Variants in SLC6A19 observed in about 807,000 individuals in gnomAD.
SLC6A19 encodes the protein sodium-dependent neutral amino acid transporter B(0)AT1.
Under a neutral mutation model 68.3 loss-of-function variants are expected in SLC6A19, and 67 were observed. The observed-to-expected ratio is 0.98, with a 90% CI of 0.81 to 1.20. The LOEUF (loss-of-function observed/expected upper bound fraction) is 1.20. Among genes scored for constraint, SLC6A19 ranks in the 50% most tolerant of loss-of-function variants. The probability of loss-of-function intolerance (pLI) is 0.00; values close to 1 mark genes in which losing one functional copy is unlikely to be tolerated. For missense variants in SLC6A19, 813 were observed against 851.6 expected, an observed-to-expected ratio of 0.95 and a Z score of 0.56; for synonymous variants, 392 against 374.9, an observed-to-expected ratio of 1.05 and a Z score of -0.53.
At position 1,219,990 on chromosome 5, in the gene SLC6A19, G is replaced by T. The variant is rs575577057; in HGVS notation, c.1538+326G>T. Among the ~76,000 whole-genome samples, 6 of 152,304 alleles carry T rather than the reference G, an allele frequency of 3.9e-5. No homozygotes were observed. In the South Asian group the frequency reaches 1.2e-3, roughly 32 times the overall value. On this transcript the variant is annotated intron_variant, in intron 10 of 11. Coordinates refer to ENST00000304460, the MANE Select transcript of SLC6A19 (RefSeq NM_001003841.3). ...CCGGGGATGCTCCTTGTGTGTGTGT[G>T]TGTGCAGGGGGGTGGGGAGTGCCTT...
rs747911904 is a variant in SLC6A19, at chr5:1,221,938, G to T, written c.*34G>T. The T allele has an allele frequency of 6.2e-7, 1 of 1,607,364 alleles. No individual in the cohort carries two copies. The highest frequency in any genetic ancestry group is 1.1e-5 in the South Asian group (1 of 90,606). ...ATCCCACGGCGTGCCATACACTGGT[G>T]TCAGGGAAGGAGGAACCAGCAAGAC... On this transcript the variant is annotated 3_prime_UTR_variant, in exon 12 of 12. Transcript: ENST00000304460.
rs1561170465 is a variant in SLC6A19 at position 1,221,853 on chromosome 5, G to C, written c.1854G>C (p.Gly618=). 4 of 1,614,192 alleles carry C rather than the reference G, an allele frequency of 2.5e-6. No individual in the cohort carries two copies. Among genetic ancestry groups the C allele is most frequent in the Admixed American group, 1.7e-5 (1 of 60,030 alleles). The change falls in exon 12 of 12, where the codon GGG becomes GGC. Residue 618 remains glycine, a synonymous_variant. Coordinates refer to ENST00000304460, the MANE Select transcript of SLC6A19 (RefSeq NM_001003841.3). The stretch of plus-strand genomic sequence containing the variant: ...GCCAGAAGCCAGGGGACCATCAGGG[G>C]CTGGTGAGCACACTGTCCACAGCCT... The part of the protein sequence containing the change: ...NHCQKPGDHQ[G]LVSTLSTASM...
At position 1,212,322 on chromosome 5, in the gene SLC6A19, C is replaced by T; in HGVS notation, c.501C>T (p.Ala167=). The T allele has an allele frequency of 6.2e-7, 1 of 1,613,620 alleles. No homozygotes were observed. The highest frequency in any genetic ancestry group is 8.5e-7 in the Non-Finnish European group (1 of 1,179,942). Residue 167 remains alanine (A), a synonymous_variant, in exon 4 of 12, where the codon GCC becomes GCT. Coordinates refer to ENST00000304460, the MANE Select transcript of SLC6A19 (RefSeq NM_001003841.3). This position sits in a 1 kb window ranked among gnomAD's most constrained non-coding sequence, Gnocchi z 5.1. ...ENQTGYVDEC[A]RSSPVDYFWY... is the part of the protein sequence containing the mutation. ...CCCCAGGGTATGTGGACGAGTGCGC[C>T]AGGAGCTCCCCTGTGGACTACTTCT...
At chr5:1,211,472 G>C (rs1199951194) in intron 3 of SLC6A19, among the ~76,000 whole-genome samples, 1 of 152,258 alleles carries the variant, frequency 6.6e-6, no homozygotes, top group Non-Finnish European at 1.5e-5. Flanking sequence ...AGGGAGCAGC[G>C]TGAGGCCCAG....
intron 5 of SLC6A19, among the ~76,000 whole-genome samples, 185 bp downstream of exon 5, chr5:1,213,758 C>G (rs1172586082): frequency 6.6e-6 from 1 of 152,048 alleles, no homozygotes; most frequent in Non-Finnish European, 1.5e-5. Context: ...TGGGGCAGCT[C>G]CTGGGAGGGT....
rs1295258632 is a variant in SLC6A19 at position 1,214,127 on chromosome 5, G to T, written c.887+62G>T. ...AGTCCTGGGGGGATCTTGCTGGGAG[G>T]ATAAAAGACAAGGTGGAAAGCACTC... On this transcript the variant is annotated intron_variant, in intron 6 of 11. Transcript: ENST00000304460. This position sits in a 1 kb window ranked among gnomAD's most constrained non-coding sequence, Gnocchi z 7.4. 3.1e-6 allele frequency: 5 copies of T among 1,610,946 alleles called. No individual in the cohort carries two copies. The highest frequency in any genetic ancestry group is 3.4e-6 in the Non-Finnish European group (4 of 1,179,014).
chr5:1,205,298 A>T (rs1745823053), intron 1 of SLC6A19, among the ~76,000 whole-genome samples: 1 of 152,150 alleles, frequency 6.6e-6, no homozygotes, highest in African/African-American at 2.4e-5. Flanking sequence ...ACAAATATTC[A>T]TATTCTGGTG....
chr5:1,209,960 T>C lies in SLC6A19; in HGVS notation c.344-484T>C, dbSNP rs1053121163. ...GCAGTTTCTGTTGTCTCCCCTCTCA[T>C]GAGTCCTCCACAGGGAAGGCTTTCC... On this transcript the variant is annotated intron_variant, in intron 2 of 11. Transcript: ENST00000304460. The surrounding 1 kb of genome is among the most constrained non-coding windows in gnomAD (Gnocchi z 5.5). Among the ~76,000 whole-genome samples the C allele has an allele frequency of 6.6e-6, 1 of 152,262 alleles. No homozygotes were observed. The highest frequency in any genetic ancestry group is 1.9e-4 in the East Asian group (1 of 5,204).
intron 8 of SLC6A19, 78 bp from the exon 9 acceptor site, chr5:1,218,825 A>G: frequency 6.7e-7 from 1 of 1,498,064 alleles, no homozygotes. Flanking sequence ...TGGCTTGGCG[A>G]CGCACGAGAC....
rs1746418044 is a variant in SLC6A19, at chr5:1,222,468, A to ATATGCATATGTGTATATGTACATG, written c.*570_*571insTATGTGTATATGTACATGTATGCA. 7 of 434,778 alleles carry ATATGCATATGTGTATATGTACATG rather than the reference A, an allele frequency of 1.6e-5. No homozygotes were observed. The highest frequency in any genetic ancestry group is 5.9e-5 in the African/African-American group (3 of 50,582). The allele number at this position is 434,778 out of a possible 1,614,324, so 26.9% of individuals were successfully genotyped here. ...GTTCTGTGTGTGCGTTTGCAAGTAT[A>ATATGCATATGTGTATATGTACATG]TATGCACATGTGTATATGTACATGT... On this transcript the variant is annotated 3_prime_UTR_variant, in exon 12 of 12. Transcript: ENST00000304460.
Position 1,212,272 on chromosome 5 carries a change from C to G in SLC6A19, c.482-31C>G. 1 of 1,611,936 alleles carries G rather than the reference C, an allele frequency of 6.2e-7. No homozygotes were observed. The highest frequency in any genetic ancestry group is 1.3e-5 in the African/African-American group (1 of 74,998). On this transcript the variant is annotated intron_variant, in intron 3 of 11. Coordinates refer to ENST00000304460, the MANE Select transcript of SLC6A19 (RefSeq NM_001003841.3). The surrounding 1 kb of genome is among the most constrained non-coding windows in gnomAD (Gnocchi z 5.1). ...ATTCTCCTCCCTTGGGGGACCCGTA[C>G]CCTGAGGTGTGTGAATGGCCCTCTC...
intron 1 of SLC6A19, among the ~76,000 whole-genome samples, chr5:1,202,503 G>T (rs960977168): frequency 1.3e-4 from 20 of 152,228 alleles, no homozygotes; most frequent in Admixed American, 9.8e-4. Context: ...GTGGTCCTGA[G>T]CATCTGAGAA....
intron 1 of SLC6A19, among the ~76,000 whole-genome samples, chr5:1,202,056 G>T (rs1331671113): frequency 6.6e-6 from 1 of 152,226 alleles, no homozygotes; most frequent in Non-Finnish European, 1.5e-5. Context: ...GATGGGCCTG[G>T]CCGGCACGAC....
chr5:1,208,881 G>T lies in SLC6A19; in HGVS notation c.338G>T (p.Gly113Val). The T allele has an allele frequency of 6.2e-7, 1 of 1,611,826 alleles. No homozygotes were observed. Among genetic ancestry groups the T allele is most frequent in the Non-Finnish European group, 8.5e-7 (1 of 1,179,728 alleles). The change falls in exon 2 of 12, where the codon GGC (glycine) becomes GTC (valine). Residue 113 changes from glycine (G) to valine (V), a missense_variant. Coordinates refer to ENST00000304460, the MANE Select transcript of SLC6A19 (RefSeq NM_001003841.3). ...VWSSIHPALK[G>V]LGLASMLTSF... Reference sequence around the variant, plus strand: ...AGCTCCATCCACCCGGCCCTGAAGGGCCTAGGTGAGTGCCTCGGAGCAGTT... The same window carrying T: ...AGCTCCATCCACCCGGCCCTGAAGGTCCTAGGTGAGTGCCTCGGAGCAGTT...
Position 1,219,103 on chromosome 5 carries a change from C to A in SLC6A19, c.1374C>A (p.Leu458=). 1 of 1,612,348 alleles carries A rather than the reference C, an allele frequency of 6.2e-7. No individual in the cohort carries two copies. The highest frequency in any genetic ancestry group is 8.5e-7 in the Non-Finnish European group (1 of 1,179,322). ...CCCCGAAGTGGCCCAAGGAGGTGCT[C>A]ACAGGTACGTGTGCAGTCGGGAGGG... is the stretch of plus-strand genomic sequence containing the variant. ...VIPPKWPKEV[L]TGLICLGTFL... is the part of the protein sequence containing the mutation. Residue 458 remains leucine (L), a synonymous_variant, in exon 9 of 12, where the codon CTC becomes CTA. Coordinates refer to ENST00000304460, the MANE Select transcript of SLC6A19 (RefSeq NM_001003841.3).
At chr5:1,205,025 G>A (rs1474934716) in intron 1 of SLC6A19, among the ~76,000 whole-genome samples, 1 of 152,164 alleles carries the variant, frequency 6.6e-6, no homozygotes, top group Non-Finnish European at 1.5e-5. Context: ...TCTGTGCCCA[G>A]TGTCTCTTTC....
chr5:1,211,472 G>A (rs1199951194), intron 3 of SLC6A19, among the ~76,000 whole-genome samples: 2 of 152,258 alleles, frequency 1.3e-5, no homozygotes, highest in Admixed American at 6.5e-5. Flanking sequence ...AGGGAGCAGC[G>A]TGAGGCCCAG....
chr5:1,201,678 GGCCTAGAC>G lies in SLC6A19; in HGVS notation c.32_39del (p.Leu11ProfsTer7). ...GGTGAGGCTCGTGCTGCCCAACCCCGGCCTAGACGCCCGGATCCCGTCCCTGGCTGAGC... is the reference window on the plus strand; with the variant it reads ...GGTGAGGCTCGTGCTGCCCAACCCCGGCCCGGATCCCGTCCCTGGCTGAGC... On this transcript the variant is annotated frameshift_variant, in exon 1 of 12. Transcript: ENST00000304460. LOFTEE classifies it high-confidence loss of function. 1.9e-6 allele frequency: 3 copies of G among 1,608,778 alleles called. No homozygotes were observed. The highest frequency in any genetic ancestry group is 2.5e-6 in the Non-Finnish European group (3 of 1,179,624).
rs1264849101 is a variant in SLC6A19 at position 1,223,997 on chromosome 5, T to G, written c.*2093T>G. The stretch of plus-strand genomic sequence containing the variant: ...TCACAGCCTCTGCCCCCGGCTGTGA[T>G]GCCACCGAGGGGCTCGCCTGCTGAT... On this transcript the variant is annotated 3_prime_UTR_variant, in exon 12 of 12. Coordinates refer to ENST00000304460, the MANE Select transcript of SLC6A19 (RefSeq NM_001003841.3). 1 of 152,298 alleles carries G rather than the reference T, an allele frequency of 6.6e-6. No homozygotes were observed. The highest frequency in any genetic ancestry group is 1.5e-5 in the Non-Finnish European group (1 of 68,074). 9.4% of individuals were successfully genotyped at this position (152,298 alleles called of 1,614,324 possible). A position where few individuals can be genotyped will look rare whatever the true frequency, so the allele number is the denominator to read the frequency against.
Sources: gnomAD v4.1 joint callset for allele counts (sites outside exome capture counted in the v4.1 genomes callset) on GRCh38, gnomAD v4.1.1 for gene constraint, Gnocchi (gnomAD v3.1) non-coding constraint, MANE v1.5 for transcripts, NCBI Gene and HGNC (gene_info 2026-07-23, HGNC 2026-07-21) for gene names.